Variants in EXOC6B observed in about 807,000 individuals in gnomAD.
EXOC6B encodes the protein SEC15 homolog B.
Under a neutral mutation model 113.5 loss-of-function variants are expected in EXOC6B, and 54 were observed. The ratio of observed to expected loss-of-function variants is 0.48; its 90% CI spans 0.38 to 0.60. EXOC6B has a LOEUF of 0.60. EXOC6B is among the 20% of genes least tolerant of loss of function. EXOC6B has a pLI of 0.00. For missense variants in EXOC6B, 797 were observed against 977.5 expected (o/e 0.82, Z 2.46); for synonymous variants, 357 against 339.0 (o/e 1.05, Z -0.58).
intron 20 of EXOC6B, among the ~76,000 whole-genome samples, chr2:72,229,532 T>C (rs919761312): frequency 6.6e-6 from 1 of 152,138 alleles, no homozygotes; most frequent in African/African-American, 2.4e-5. Context: ...AGCCAGGTAT[T>C]ATCAGAGGGA....
chr2:72,212,894 C>A (rs1406923776), intron 20 of EXOC6B, among the ~76,000 whole-genome samples: 1 of 152,220 alleles, frequency 6.6e-6, no homozygotes, highest in Non-Finnish European at 1.5e-5. Flanking sequence ...GCAACAGTAA[C>A]TCCCATCCCA....
chr2:72,291,678 T>C (rs1382468084), intron 20 of EXOC6B, among the ~76,000 whole-genome samples: 1 of 152,116 alleles, frequency 6.6e-6, no homozygotes, highest in Non-Finnish European at 1.5e-5. Flanking sequence ...GAAAAACTGA[T>C]CAAATAAAGT....
intron 8 of EXOC6B, chr2:72,515,626 A>AAAAAAC (rs1701172616): frequency 2.0e-6 from 2 of 989,330 alleles, no homozygotes; most frequent in South Asian, 9.3e-5. Context: ...GATTAAACCC[A>AAAAAAC]AAAAACAAAA....
intron 20 of EXOC6B, among the ~76,000 whole-genome samples, chr2:72,256,436 G>T (rs542199240): frequency 1.3e-5 from 2 of 152,296 alleles, no homozygotes; most frequent in African/African-American, 2.4e-5. Flanking sequence ...TGAAATAGTT[G>T]ATCTTTGCAA....
chr2:72,356,504 C>T (rs1431597924), intron 19 of EXOC6B, among the ~76,000 whole-genome samples: 3 of 152,078 alleles, frequency 2.0e-5, no homozygotes, highest in African/African-American at 4.8e-5. Context: ...TGAATAGCCA[C>T]CATACTCCAG....
chr2:72,209,248 G>GAAAAGAAAAGAAAAGAAAAA (rs1680033830), intron 20 of EXOC6B, among the ~76,000 whole-genome samples: 1 of 86,078 alleles, frequency 1.2e-5, no homozygotes, highest in African/African-American at 4.1e-5. Flanking sequence ...AAAAAAAAAA[G>GAAAAGAAAAGAAAAGAAAAA]AAAAGAAAAG....
intron 6 of EXOC6B, among the ~76,000 whole-genome samples, chr2:72,641,449 C>A (rs922450459): frequency 1.3e-5 from 2 of 152,286 alleles, no homozygotes; most frequent in Admixed American, 1.3e-4. Context: ...CCCACGAAGC[C>A]TTGCTCACTG....
At chr2:72,340,745 G>C (rs953303046) in intron 19 of EXOC6B, among the ~76,000 whole-genome samples, 6 of 152,140 alleles carry the variant, frequency 3.9e-5, no homozygotes, top group African/African-American at 1.2e-4. Flanking sequence ...GAAAAAATAA[G>C]AGCTGTTGTT....
At chr2:72,571,401 T>A (rs1573414640) in intron 7 of EXOC6B, among the ~76,000 whole-genome samples, 1 of 152,244 alleles carries the variant, frequency 6.6e-6, no homozygotes, top group East Asian at 1.9e-4. Flanking sequence ...CTTTTTTTTT[T>A]AATCAATTGA....
chr2:72,731,323 GTTCAA>G, intron 3 of EXOC6B, 78 bp from the exon 4 acceptor site: 1 of 1,078,898 alleles, frequency 9.3e-7, no homozygotes, highest in Non-Finnish European at 1.4e-6. Flanking sequence ...TCCACACTGT[GTTCAA>G]TTCATCAGAA....
At chr2:72,330,973 C>T (rs1045028136) in intron 20 of EXOC6B, among the ~76,000 whole-genome samples, 1 of 152,056 alleles carries the variant, frequency 6.6e-6, no homozygotes. Context: ...CAGTCCCTAG[C>T]CAATCTAGCA....
Position 72,770,919 on chromosome 2 carries a change from C to T in EXOC6B, c.114-29450G>A, listed in dbSNP as rs577399283. ...AAAAAAAGGAAGCCATTAGATATGGCTTCATGGTAGTGTCTTCCCCCTCGC... is the reference window on the plus strand; with the variant it reads ...AAAAAAAGGAAGCCATTAGATATGGTTTCATGGTAGTGTCTTCCCCCTCGC... On this transcript the variant is annotated intron_variant, in intron 1 of 21. Transcript: ENST00000272427. Among the ~76,000 whole-genome samples the T allele has an allele frequency of 1.3e-4, 20 of 152,234 alleles. No individual in the cohort carries two copies. The South Asian group carries it at 3.5e-3, about 27-fold the overall frequency.
chr2:72,529,515 G>A (rs1701892191), intron 8 of EXOC6B, among the ~76,000 whole-genome samples: 1 of 152,172 alleles, frequency 6.6e-6, no homozygotes, highest in Non-Finnish European at 1.5e-5. Context: ...TCTGATTTCT[G>A]TAAGAGATTC....
At chr2:72,449,138 T>G (rs1696760745) in intron 18 of EXOC6B, among the ~76,000 whole-genome samples, 1 of 152,224 alleles carries the variant, frequency 6.6e-6, no homozygotes, top group East Asian at 1.9e-4. Flanking sequence ...ACTCTACTTT[T>G]GAAGTTATGT....
chr2:72,552,160 T>C (rs1261489487), intron 8 of EXOC6B, among the ~76,000 whole-genome samples: 1 of 152,146 alleles, frequency 6.6e-6, no homozygotes, highest in Non-Finnish European at 1.5e-5. Flanking sequence ...TTAAACAAAA[T>C]AAACTAGCCA....
Position 72,179,400 on chromosome 2 carries a change from T to A in EXOC6B, c.2371A>T (p.Lys791Ter). Residue 791 changes from lysine to a stop codon, truncating the protein, a stop_gained, in exon 22 of 22, where the codon AAG (lysine) becomes TAG (stop). Transcript: ENST00000272427. LOFTEE classifies it high-confidence loss of function. The stretch of plus-strand genomic sequence containing the variant: ...GCCACGGTGTCAATGAGTTTCTGCT[T>A]GTCTCGCTCATTTTTCCGAAACTGT... ...FAQFRKNERD[K>*]QKLIDTVAKQ... 6.2e-7 allele frequency: 1 copy of A among 1,613,808 alleles called. No individual in the cohort carries two copies. The highest frequency in any genetic ancestry group is 8.5e-7 in the Non-Finnish European group (1 of 1,179,842).
intron 6 of EXOC6B, among the ~76,000 whole-genome samples, chr2:72,709,140 T>C (rs955025269): frequency 7.9e-5 from 12 of 152,244 alleles, no homozygotes; most frequent in African/African-American, 2.4e-4. Context: ...GTCAGCTAGA[T>C]TTCTCTCTCT....
At chr2:72,491,052 G>A (rs543297056) in intron 16 of EXOC6B, among the ~76,000 whole-genome samples, 1 of 152,206 alleles carries the variant, frequency 6.6e-6, no homozygotes, top group South Asian at 2.1e-4. Context: ...TCTAACAAAA[G>A]CAGGAGGACT....
intron 18 of EXOC6B, among the ~76,000 whole-genome samples, chr2:72,435,068 C>T (rs1347133245): frequency 6.6e-6 from 1 of 152,206 alleles, no homozygotes; most frequent in East Asian, 1.9e-4. Flanking sequence ...CCTCTACACA[C>T]TGCTTTGGCT....
Sources: allele counts gnomAD v4.1 joint callset (sites outside exome capture counted in the v4.1 genomes callset), GRCh38; gene constraint gnomAD v4.1.1; transcripts MANE v1.5; gene names NCBI Gene and HGNC (gene_info 2026-07-23, HGNC 2026-07-21).